Variants in NBAS observed in about 807,000 individuals in gnomAD.
NBAS encodes the protein NAG/BC035112 fusion.
Under a neutral mutation model 302.5 loss-of-function variants are expected in NBAS, and 219 were observed. The ratio of observed to expected loss-of-function variants is 0.72; its 90% CI spans 0.65 to 0.81. The LOEUF (loss-of-function observed/expected upper bound fraction) is 0.81, where lower values mean the gene tolerates loss of function less well. Ranked by LOEUF, NBAS falls within the 30% of genes least tolerant of loss-of-function variation. The probability of loss-of-function intolerance (pLI) is 0.00; values close to 1 mark genes in which losing one functional copy is unlikely to be tolerated. For synonymous variants in NBAS, 1,118 were observed against 1,021.6 expected (o/e 1.09, Z -1.80); for missense variants, 2,932 against 2,841.6 (o/e 1.03, Z -0.72).
Position 15,556,816 on chromosome 2 carries a change from C to A in NBAS, c.176G>T (p.Arg59Leu). 6.2e-7 allele frequency: 1 copy of A among 1,610,236 alleles called. No individual in the cohort carries two copies. The highest frequency in any genetic ancestry group is 1.1e-5 in the South Asian group (1 of 90,928). The part of the protein sequence containing the change: ...SFIITKAIRD[R>L]LLFLRQYIWY... ...GATGTATTGGCGTAAAAATAATAAACGATCTGTAATCAAAAGAAATGGCAA... is the reference window on the plus strand; with the variant it reads ...GATGTATTGGCGTAAAAATAATAAAAGATCTGTAATCAAAAGAAATGGCAA... Residue 59 changes from arginine to leucine, a missense_variant, in exon 3 of 52, where the codon CGT becomes CTT. Transcript: ENST00000281513.
intron 26 of NBAS, among the ~76,000 whole-genome samples, chr2:15,399,277 C>T (rs1358601739): frequency 6.6e-6 from 1 of 151,896 alleles, no homozygotes; most frequent in Non-Finnish European, 1.5e-5. Context: ...TCATAAGGTT[C>T]CCACAGAGCC....
intron 15 of NBAS, 127 bp downstream of exon 15, chr2:15,473,940 A>AT: frequency 8.7e-7 from 1 of 1,155,978 alleles, no homozygotes; most frequent in Non-Finnish European, 1.2e-6. Context: ...TAGAACTGAT[A>AT]TTTTTAACAT....
chr2:15,258,092 C>T (rs1368071141), intron 44 of NBAS, among the ~76,000 whole-genome samples: 1 of 152,132 alleles, frequency 6.6e-6, no homozygotes, highest in East Asian at 1.9e-4. Flanking sequence ...GAGGGACTGG[C>T]TGGAGCCGTG....
the NBAS span, among the ~76,000 whole-genome samples, chr2:15,122,126 G>A: frequency 5.4e-5 from 8 of 148,112 alleles, no homozygotes; most frequent in African/African-American, 1.3e-4. Context: ...GGAGGACTCC[G>A]TTAGCCTGTT....
chr2:15,095,953 T>A, the NBAS span, among the ~76,000 whole-genome samples: 1 of 152,038 alleles, frequency 6.6e-6, no homozygotes, highest in African/African-American at 2.4e-5. Context: ...GGGTAGTGAG[T>A]GACTGCCCAG....
chr2:14,969,974 A>T, the NBAS span, among the ~76,000 whole-genome samples: 1 of 152,254 alleles, frequency 6.6e-6, no homozygotes, highest in African/African-American at 2.4e-5. Context: ...ACTTGCCCAA[A>T]GGTAAGAGTC....
chr2:15,067,880 T>G, the NBAS span, among the ~76,000 whole-genome samples: 1 of 152,054 alleles, frequency 6.6e-6, no homozygotes, highest in African/African-American at 2.4e-5. Flanking sequence ...TGAAGAAAGA[T>G]AAAACATTCT....
intron 1 of NBAS, 92 bp from the exon 2 acceptor site, chr2:15,558,726 A>G: frequency 1.0e-6 from 1 of 989,914 alleles, no homozygotes; most frequent in Non-Finnish European, 1.6e-6. Flanking sequence ...ATTTTTATTT[A>G]CTAATACTCA....
Position 15,276,783 on chromosome 2 carries a change from T to C in NBAS, c.5389+68A>G, listed in dbSNP as rs73197007. Reference sequence around the variant, plus strand: ...CAACCATAATGCATGAACAGGATTGTGTACAGAAAATTAATCCCCAGATTT... The same window carrying C: ...CAACCATAATGCATGAACAGGATTGCGTACAGAAAATTAATCCCCAGATTT... On this transcript the variant is annotated intron_variant, in intron 43 of 51. Coordinates refer to ENST00000281513, the MANE Select transcript of NBAS (RefSeq NM_015909.4). 44,946 of 1,610,134 alleles carry C rather than the reference T, an allele frequency of 0.028. 952 individuals are homozygous for C. Among genetic ancestry groups the C allele is most frequent in the African/African-American group, 0.1 (7,769 of 74,888 alleles).
At chr2:15,108,214 T>C in the NBAS span, among the ~76,000 whole-genome samples, 2 of 152,148 alleles carry the variant, frequency 1.3e-5, no homozygotes, top group South Asian at 2.1e-4. Flanking sequence ...TGAGATCATA[T>C]GGTATGTTCA....
chr2:14,957,755 A>C, the NBAS span, among the ~76,000 whole-genome samples: 1 of 152,162 alleles, frequency 6.6e-6, no homozygotes, highest in African/African-American at 2.4e-5. Context: ...ATGTAGCTAC[A>C]GATAAGTCAG....
the NBAS span, among the ~76,000 whole-genome samples, chr2:14,931,314 G>A: frequency 6.8e-4 from 103 of 152,236 alleles, no homozygotes; most frequent in East Asian, 0.017. Context: ...TTGTTTGTTT[G>A]TTTGGGAAAC....
intron 48 of NBAS, among the ~76,000 whole-genome samples, chr2:15,193,297 C>T (rs1665451921): frequency 1.3e-5 from 2 of 152,094 alleles, no homozygotes; most frequent in Non-Finnish European, 2.9e-5. Flanking sequence ...TTTGTGCATG[C>T]TTGCATACTC....
the NBAS span, among the ~76,000 whole-genome samples, chr2:14,848,885 A>C: frequency 6.6e-6 from 1 of 150,542 alleles, no homozygotes; most frequent in Admixed American, 6.6e-5. Flanking sequence ...AGAAGGAAAA[A>C]TAACAAACAG....
At chr2:15,213,134 G>A (rs2147868531) in intron 48 of NBAS, among the ~76,000 whole-genome samples, 1 of 152,306 alleles carries the variant, frequency 6.6e-6, no homozygotes, top group South Asian at 2.1e-4. Context: ...GAGGTTATGA[G>A]AGATTTACTA....
At chr2:15,124,187 G>A in the NBAS span, among the ~76,000 whole-genome samples, 1 of 152,176 alleles carries the variant, frequency 6.6e-6, no homozygotes, top group Non-Finnish European at 1.5e-5. Flanking sequence ...GTGGAAGTCT[G>A]AACTTGAGAG....
At chr2:14,965,268 A>T in the NBAS span, among the ~76,000 whole-genome samples, 1 of 152,304 alleles carries the variant, frequency 6.6e-6, no homozygotes, top group East Asian at 1.9e-4. Context: ...TTGACAGATC[A>T]ATAAAATTGA....
chr2:14,891,773 G>T, the NBAS span, among the ~76,000 whole-genome samples: 1 of 152,148 alleles, frequency 6.6e-6, no homozygotes, highest in Non-Finnish European at 1.5e-5. Flanking sequence ...AGTTCTCATG[G>T]AAGGCCTGGG....
chr2:15,522,402 A>G (rs560139286), intron 9 of NBAS, among the ~76,000 whole-genome samples: 28 of 152,304 alleles, frequency 1.8e-4, no homozygotes, highest in African/African-American at 6.3e-4. Flanking sequence ...ATGGGAATAC[A>G]TGAGAAGAAG....
Sources: gnomAD v4.1 joint callset for allele counts (sites outside exome capture counted in the v4.1 genomes callset) on GRCh38, gnomAD v4.1.1 for gene constraint, MANE v1.5 for transcripts, NCBI Gene and HGNC (gene_info 2026-07-23, HGNC 2026-07-21) for gene names.